ADAM17: variants seen among roughly 807,000 people sequenced by gnomAD.
ADAM17 encodes ADAM metallopeptidase domain 17, also known as disintegrin and metalloproteinase domain-containing protein 17.
Under a neutral mutation model 96.7 loss-of-function variants are expected in ADAM17, and 39 were observed. The observed-to-expected ratio is 0.40, with a 90% CI of 0.31 to 0.53. The LOEUF (loss-of-function observed/expected upper bound fraction) is 0.53. Among genes scored for constraint, ADAM17 ranks in the 20% least tolerant of loss-of-function variants. The probability of loss-of-function intolerance (pLI) is 0.44; values close to 1 mark genes in which losing one functional copy is unlikely to be tolerated. For synonymous variants in ADAM17, 344 were observed against 359.2 expected (o/e 0.96, Z 0.48); for missense variants, 777 against 1,013.2 (o/e 0.77, Z 3.17).
chr2:9,506,459 C>T (rs1332705593), intron 11 of ADAM17, among the ~76,000 whole-genome samples: 1 of 150,788 alleles, frequency 6.6e-6, no homozygotes, highest in Non-Finnish European at 1.5e-5. Context: ...CTCCGCCTCC[C>T]GGGTTCAAGT....
At chr2:9,513,697 T>C (rs1278341158) in intron 10 of ADAM17, among the ~76,000 whole-genome samples, 1 of 151,894 alleles carries the variant, frequency 6.6e-6, no homozygotes, top group Admixed American at 6.6e-5. Flanking sequence ...AGAGATTTTT[T>C]CCCCTAAAAC....
intron 8 of ADAM17, 124 bp from the exon 9 acceptor site, chr2:9,518,371 C>T (rs1664163201): frequency 1.2e-5 from 14 of 1,193,330 alleles, no homozygotes; most frequent in Non-Finnish European, 1.1e-6. Context: ...GCATGCAGCT[C>T]AGCACCAGCA....
rs1665730896 is a variant in ADAM17, at chr2:9,555,721, C to G, written c.-116G>C. 4.8e-6 allele frequency: 4 copies of G among 836,830 alleles called. No homozygotes were observed. The highest frequency in any genetic ancestry group is 6.9e-5 in the Admixed American group (2 of 29,112). The allele number at this position is 836,830 out of a possible 1,614,324, so 51.8% of individuals were successfully genotyped here. A position where few individuals can be genotyped will look rare whatever the true frequency, so the allele number is the denominator to read the frequency against. On this transcript the variant is annotated 5_prime_UTR_variant, in exon 1 of 19. Coordinates refer to ENST00000310823, the MANE Select transcript of ADAM17 (RefSeq NM_003183.6). Reference sequence around the variant, plus strand: ...CCGCCCGGCCTAGCCCCTCAATCCTCTTTTCCCTCCCGCGCCGCCTACTGG... The same window carrying G: ...CCGCCCGGCCTAGCCCCTCAATCCTGTTTTCCCTCCCGCGCCGCCTACTGG...
chr2:9,499,941 C>G (rs982037475), intron 13 of ADAM17, among the ~76,000 whole-genome samples: 3 of 152,188 alleles, frequency 2.0e-5, no homozygotes, highest in Non-Finnish European at 4.4e-5. Context: ...AAGCTGGGAC[C>G]CTCATACAAT....
chr2:9,553,675 C>CA (rs34545244), intron 1 of ADAM17, among the ~76,000 whole-genome samples: 159 of 118,300 alleles, frequency 1.3e-3, no homozygotes, highest in East Asian at 0.012. Context: ...AACACTGCCT[C>CA]AAAAAAAAAA....
At chr2:9,497,018 T>G in intron 14 of ADAM17, 96 bp downstream of exon 14, 3 of 1,541,372 alleles carry the variant, frequency 1.9e-6, no homozygotes, top group Non-Finnish European at 2.6e-6. Context: ...ATCTCACCAC[T>G]GCTGTCATTC....
rs149118055 is a variant in ADAM17, at chr2:9,542,838, C to T, written c.230+315G>A. The stretch of plus-strand genomic sequence containing the variant: ...TCAGCCTCCCAAGTAGCTGGGATTA[C>T]AGGCACGTGTCACCATGCCTAATTT... On this transcript the variant is annotated intron_variant, in intron 2 of 18. Transcript: ENST00000310823. Among the ~76,000 whole-genome samples, 1,498 of 152,250 alleles carry T rather than the reference C, an allele frequency of 9.8e-3. 23 individuals are homozygous for T. The highest frequency in any genetic ancestry group is 0.031 in the African/African-American group (1,275 of 41,534).
chr2:9,496,954 T>C (rs868525057), intron 14 of ADAM17, among the ~76,000 whole-genome samples, 160 bp downstream of exon 14: 1 of 152,198 alleles, frequency 6.6e-6, no homozygotes, highest in African/African-American at 2.4e-5. Context: ...CATGCAGAGA[T>C]GCCTGTCTCC....
intron 2 of ADAM17, among the ~76,000 whole-genome samples, chr2:9,542,312 G>A: frequency 6.6e-6 from 1 of 152,156 alleles, no homozygotes; most frequent in East Asian, 1.9e-4. Flanking sequence ...GGCCAAGATG[G>A]AAAGACCACC....
rs372189309 is a variant in ADAM17 at position 9,490,464 on chromosome 2, A to G, written c.2188T>C (p.Phe730Leu). The change falls in exon 19 of 19, where the codon TTT becomes CTT. Residue 730 changes from phenylalanine to leucine, a missense_variant. By Grantham distance (22) the Phe-to-Leu change is conservative. This residue lies in a region of ADAM17 where 197 missense variants were observed against 219.4 expected (regional missense o/e 0.90). Transcript: ENST00000310823. ...DSASVRIIKPFPAPQTPGRLQ... is the reference protein window; with the variant it reads ...DSASVRIIKPLPAPQTPGRLQ... ...CGGCCTGGAGTCTGGGGCGCAGGAA[A>G]GGGTTTGATAATGCGAACCGATGCA... 11 of 1,614,074 alleles carry G rather than the reference A, an allele frequency of 6.8e-6. No individual in the cohort carries two copies. The highest frequency in any genetic ancestry group is 2.7e-5 in the African/African-American group (2 of 75,036).
intron 3 of ADAM17, among the ~76,000 whole-genome samples, chr2:9,536,365 C>A (rs1420943809): frequency 6.6e-6 from 1 of 151,944 alleles, no homozygotes; most frequent in Non-Finnish European, 1.5e-5. Flanking sequence ...AATAGGATCA[C>A]CAAGTATTTT....
intron 4 of ADAM17, among the ~76,000 whole-genome samples, chr2:9,528,187 G>A (rs925486195): frequency 3.1e-4 from 47 of 152,146 alleles, no homozygotes; most frequent in African/African-American, 1.1e-3. Flanking sequence ...TATAAATAAA[G>A]CCTTACATAC....
intron 1 of ADAM17, among the ~76,000 whole-genome samples, chr2:9,550,680 A>G (rs2125045920): frequency 6.6e-6 from 1 of 151,902 alleles, no homozygotes; most frequent in East Asian, 2.0e-4. Flanking sequence ...CCTGGCCTCA[A>G]GTCATCCGCC....
intron 14 of ADAM17, 98 bp from the exon 15 acceptor site, chr2:9,494,865 G>C (rs1307422586): frequency 6.9e-7 from 1 of 1,445,758 alleles, no homozygotes. Flanking sequence ...AAAGAGGTAA[G>C]AAATCACATT....
chr2:9,493,922 A>T lies in ADAM17; in HGVS notation c.1915-97T>A, dbSNP rs191207517. ...AAATAACTGACATGTAAAGGGCTTC[A>T]TTAAAATCAAACGTTTTCCCATCTT... On this transcript the variant is annotated intron_variant, in intron 15 of 18. Coordinates refer to ENST00000310823, the MANE Select transcript of ADAM17 (RefSeq NM_003183.6). The T allele has an allele frequency of 9.0e-6, 9 of 1,003,842 alleles. No individual in the cohort carries two copies. In the East Asian group the frequency reaches 2.4e-4, roughly 27 times the overall value. 62.2% of individuals were successfully genotyped at this position (1,003,842 alleles called of 1,614,324 possible). A position where few individuals can be genotyped will look rare whatever the true frequency, so the allele number is the denominator to read the frequency against.
At chr2:9,490,559 A>C in intron 18 of ADAM17, 41 bp from the exon 19 acceptor site, 1 of 1,556,594 alleles carries the variant, frequency 6.4e-7, no homozygotes, top group East Asian at 2.3e-5. Flanking sequence ...GGAATAAAAG[A>C]TGAATCGGAG....
Position 9,512,933 on chromosome 2 carries a change from C to G in ADAM17, c.1192-2802G>C, listed in dbSNP as rs547629359. Among the ~76,000 whole-genome samples the G allele has an allele frequency of 5.5e-4, 83 of 152,256 alleles. 1 individual carries two copies. In the South Asian group the frequency reaches 9.1e-3, roughly 17 times the overall value. ...TCCCAACTCCATGGGGACAGAAGCTCCTGTACTCGGGACCCTTCCAGACCT... is the reference window on the plus strand; with the variant it reads ...TCCCAACTCCATGGGGACAGAAGCTGCTGTACTCGGGACCCTTCCAGACCT... On this transcript the variant is annotated intron_variant, in intron 10 of 18. Transcript: ENST00000310823.
At chr2:9,523,408 TCTATGGG>T in intron 6 of ADAM17, 70 bp from the exon 7 acceptor site, 1 of 1,327,804 alleles carries the variant, frequency 7.5e-7, no homozygotes, top group Non-Finnish European at 1.1e-6. Flanking sequence ...CAATATAAAA[TCTATGGG>T]GAAAGAAAAA....
intron 13 of ADAM17, among the ~76,000 whole-genome samples, chr2:9,500,277 G>T (rs948721220): frequency 2.0e-4 from 31 of 152,170 alleles, no homozygotes; most frequent in African/African-American, 7.0e-4. Context: ...GCTATGTTCA[G>T]TGAAAGAAGC....
Sources: gnomAD v4.1 joint callset for allele counts (sites outside exome capture counted in the v4.1 genomes callset) on GRCh38, gnomAD v4.1.1 for gene constraint, gnomAD v4.1.1 regional missense constraint, MANE v1.5 for transcripts, NCBI Gene and HGNC (gene_info 2026-07-23, HGNC 2026-07-21) for gene names.